FNBP1: variants seen among roughly 807,000 people sequenced by gnomAD.
FNBP1 encodes formin binding protein 1, also known as formin-binding protein 1.
A neutral mutation model predicts 90.6 loss-of-function variants in FNBP1; 26 were observed. The observed-to-expected ratio is 0.29, with a 90% CI of 0.21 to 0.40. The LOEUF (loss-of-function observed/expected upper bound fraction) is 0.40. Among genes scored for constraint, FNBP1 ranks in the 10% least tolerant of loss-of-function variants. The pLI, the probability that FNBP1 is intolerant of heterozygous loss-of-function variation, is 1.00. For synonymous variants in FNBP1, 260 were observed against 265.2 expected (o/e 0.98, Z 0.19); for missense variants, 635 against 768.0 (o/e 0.83, Z 2.05).
chr9:130,049,156 A>T, the FNBP1 span, among the ~76,000 whole-genome samples: 2 of 152,194 alleles, frequency 1.3e-5, no homozygotes, highest in Non-Finnish European at 2.9e-5. Flanking sequence ...TGGGAGGCCA[A>T]GCCAGGCAGA....
At chr9:130,012,847 G>A (rs1038190509) in intron 1 of FNBP1, among the ~76,000 whole-genome samples, 2 of 152,060 alleles carry the variant, frequency 1.3e-5, no homozygotes, top group African/African-American at 4.8e-5. Context: ...CACCATGTTA[G>A]CCAGGATGGT....
At chr9:129,983,632 G>A (rs775333675) in intron 2 of FNBP1, among the ~76,000 whole-genome samples, 11 of 152,104 alleles carry the variant, frequency 7.2e-5, no homozygotes, top group Non-Finnish European at 1.3e-4. Context: ...CCAACATGGT[G>A]AAACCCCATC....
chr9:130,021,128 G>A (rs886843009), intron 1 of FNBP1, among the ~76,000 whole-genome samples: 1 of 152,178 alleles, frequency 6.6e-6, no homozygotes, highest in African/African-American at 2.4e-5. Context: ...CAGAACAGGT[G>A]AGTTGTAGGC....
At chr9:130,048,314 C>CAAAAAAAAAAAA in the FNBP1 span, among the ~76,000 whole-genome samples, 205 of 50,720 alleles carry the variant, frequency 4.0e-3, 21 homozygotes, top group Middle Eastern at 0.026. Flanking sequence ...GACTCCATCT[C>CAAAAAAAAAAAA]AAAAAAAAAA....
chr9:129,922,752 G>T (rs1239123821), intron 10 of FNBP1, among the ~76,000 whole-genome samples: 1 of 151,928 alleles, frequency 6.6e-6, no homozygotes, highest in African/African-American at 2.4e-5. Flanking sequence ...TTCTCCTTTC[G>T]ACCCTGAGGC....
At chr9:130,025,741 C>T (rs545720336) in intron 1 of FNBP1, among the ~76,000 whole-genome samples, 2 of 151,816 alleles carry the variant, frequency 1.3e-5, no homozygotes, top group Non-Finnish European at 2.9e-5. Context: ...CTGGCCAACA[C>T]GGTGAAACCC....
intron 15 of FNBP1, among the ~76,000 whole-genome samples, chr9:129,897,542 A>G (rs2035989448): frequency 6.6e-6 from 1 of 152,216 alleles, no homozygotes; most frequent in East Asian, 1.9e-4. Flanking sequence ...TCTGATTGCT[A>G]GTTTTAAAAA....
At chr9:130,005,195 C>T (rs569258708) in intron 1 of FNBP1, among the ~76,000 whole-genome samples, 2 of 151,332 alleles carry the variant, frequency 1.3e-5, no homozygotes, top group East Asian at 3.9e-4. Context: ...GAGATCGCAC[C>T]ACTACACTCT....
intron 10 of FNBP1, 48 bp from the exon 11 acceptor site, chr9:129,916,028 G>T: frequency 7.3e-7 from 1 of 1,368,316 alleles, no homozygotes; most frequent in East Asian, 2.3e-5. Flanking sequence ...GAGAAAGAGA[G>T]AGAGAAAGAG....
At chr9:129,905,730 A>G (rs2131441503) in intron 12 of FNBP1, among the ~76,000 whole-genome samples, 1 of 152,336 alleles carries the variant, frequency 6.6e-6, no homozygotes, top group East Asian at 1.9e-4. Flanking sequence ...ATATGCATTC[A>G]GAGCAATAAA....
At chr9:130,014,629 A>G (rs773228953) in intron 1 of FNBP1, among the ~76,000 whole-genome samples, 5 of 152,114 alleles carry the variant, frequency 3.3e-5, no homozygotes, top group Admixed American at 1.3e-4. Flanking sequence ...ATTATTCTAT[A>G]CATACATATT....
rs1367890152 is a variant in FNBP1, at chr9:130,041,757, A to G, written c.24+1195T>C. ...GTACCTAACAAATGGTTATGTAAAA[A>G]CAATTAAAGCAAAAGAAAACAAAAC... On this transcript the variant is annotated intron_variant, in intron 1 of 16. Coordinates refer to ENST00000446176, the MANE Select transcript of FNBP1 (RefSeq NM_015033.3). The surrounding 1 kb of genome is among the most constrained non-coding windows in gnomAD (Gnocchi z 4.3). 6.6e-6 allele frequency among the ~76,000 whole-genome samples: 1 copy of G among 152,210 alleles called. No individual in the cohort carries two copies. The highest frequency in any genetic ancestry group is 1.9e-4 in the East Asian group (1 of 5,198).
rs560501496 is a variant in FNBP1, at chr9:129,978,577, T to C, written c.233A>G (p.Asn78Ser). 7.1e-5 allele frequency: 114 copies of C among 1,613,886 alleles called. No individual in the cohort carries two copies. In the South Asian group the frequency reaches 1.2e-3, roughly 17 times the overall value. ...CTGCCCTGCGTAATCATTCATTTCG[T>C]TCAGGTTGGAAATGAAAGCTTTACA... is the stretch of plus-strand genomic sequence containing the variant. The part of the protein sequence containing the change: ...TSCKAFISNL[N>S]EMNDYAGQHE... The change falls in exon 4 of 17, where the codon AAC becomes AGC. Residue 78 changes from asparagine (N) to serine (S), a missense_variant. Physicochemically the swap from Asn to Ser is conservative, Grantham distance 46. Transcript: ENST00000446176.
chr9:130,038,064 C>CAGGTAAAAAAAATCACAGGTAAAAAAA (rs2059481410), intron 1 of FNBP1, among the ~76,000 whole-genome samples: 1 of 152,106 alleles, frequency 6.6e-6, no homozygotes, highest in Non-Finnish European at 1.5e-5. Flanking sequence ...AAAAAAATTA[C>CAGGTAAAAAAAATCACAGGTAAAAAAA]ATACAGTCGG....
intron 1 of FNBP1, among the ~76,000 whole-genome samples, chr9:130,023,940 G>C (rs1041956706): frequency 1.3e-5 from 2 of 151,982 alleles, no homozygotes; most frequent in African/African-American, 4.8e-5. Context: ...GTATAAAATA[G>C]TACCCTTTAC....
At chr9:129,979,115 T>G (rs1340529253) in intron 3 of FNBP1, among the ~76,000 whole-genome samples, 1 of 152,236 alleles carries the variant, frequency 6.6e-6, no homozygotes, top group African/African-American at 2.4e-5. Flanking sequence ...CTAATTACTT[T>G]AATTGAAACA....
At chr9:130,034,737 A>G (rs2059156895) in intron 1 of FNBP1, among the ~76,000 whole-genome samples, 1 of 152,332 alleles carries the variant, frequency 6.6e-6, no homozygotes, top group Admixed American at 6.5e-5. Context: ...TGAGTCATTG[A>G]TTCTCAGTGA....
chr9:130,046,406 C>T (rs12553310), upstream of FNBP1, among the ~76,000 whole-genome samples: 1 of 151,912 alleles, frequency 6.6e-6, no homozygotes, highest in South Asian at 2.1e-4. Flanking sequence ...AAACAAAGTT[C>T]TGAGAACTTC....
intron 6 of FNBP1, among the ~76,000 whole-genome samples, chr9:129,953,459 C>A (rs2046463689): frequency 6.6e-6 from 1 of 151,862 alleles, no homozygotes; most frequent in Admixed American, 6.6e-5. Context: ...CACCGCACTC[C>A]AGCCTGGGTG....
Sources: gnomAD v4.1 joint callset for allele counts (sites outside exome capture counted in the v4.1 genomes callset) on GRCh38, gnomAD v4.1.1 for gene constraint, Gnocchi (gnomAD v3.1) non-coding constraint, MANE v1.5 for transcripts, NCBI Gene and HGNC (gene_info 2026-07-23, HGNC 2026-07-21) for gene names.